Variants in ABCA5 observed in about 807,000 individuals in gnomAD.
ABCA5 encodes cholesterol transporter ABCA5.
Under a neutral mutation model 206.0 loss-of-function variants are expected in ABCA5, and 163 were observed. That is an observed-to-expected ratio of 0.79 (90% CI 0.70 to 0.90). The LOEUF is 0.90. ABCA5 is among the 40% of genes least tolerant of loss of function. The probability of loss-of-function intolerance (pLI) is 0.00; values close to 1 mark genes in which losing one functional copy is unlikely to be tolerated. For missense variants in ABCA5, 1,859 were observed against 1,912.9 expected, an observed-to-expected ratio of 0.97 and a Z score of 0.53; for synonymous variants, 609 against 613.8, an observed-to-expected ratio of 0.99 and a Z score of 0.11.
chr17:69,283,422 A>G (rs1376097620), intron 18 of ABCA5, among the ~76,000 whole-genome samples: 1 of 152,178 alleles, frequency 6.6e-6, no homozygotes, highest in Non-Finnish European at 1.5e-5. Context: ...AATTCAAATC[A>G]GATCATGGTA....
Position 69,287,721 on chromosome 17 carries a change from T to G in ABCA5, c.1933A>C (p.Met645Leu). 6.2e-7 allele frequency: 1 copy of G among 1,613,588 alleles called. No individual in the cohort carries two copies. The highest frequency in any genetic ancestry group is 8.5e-7 in the Non-Finnish European group (1 of 1,179,742). ...ACAATATGTCGAGAACAGGGGTCCA[T>G]TCCAGCTGTTGGTTCATCTAGCAGC... ...ILLLDEPTAG[M>L]DPCSRHIVWN... Residue 645 changes from methionine to leucine, a missense_variant, in exon 15 of 39, where the codon ATG becomes CTG. By Grantham distance (15) the Met-to-Leu change is conservative (BLOSUM62 2). Coordinates refer to ENST00000392676, the MANE Select transcript of ABCA5 (RefSeq NM_172232.4).
At chr17:69,281,886 C>G (rs190090198) in intron 18 of ABCA5, among the ~76,000 whole-genome samples, 1 of 152,174 alleles carries the variant, frequency 6.6e-6, no homozygotes, top group Non-Finnish European at 1.5e-5. Context: ...ATCACCCACT[C>G]GGCATTCATG....
At position 69,264,789 on chromosome 17, in the gene ABCA5, G is replaced by T; in HGVS notation, c.3261C>A (p.Ser1087Arg). The change falls in exon 24 of 39, where the codon AGC becomes AGA. Residue 1087 changes from serine to arginine, a missense_variant. Physicochemically the swap from Ser to Arg is moderately radical, Grantham distance 110. Coordinates refer to ENST00000392676, the MANE Select transcript of ABCA5 (RefSeq NM_172232.4). ...ATAATCCATAATGAAATGCCAATAA[G>T]CTTCCTAGCATCAAAATAAGAATGA... ...FFIILILMLG[S>R]LLAFHYGLYF... The T allele has an allele frequency of 6.3e-7, 1 of 1,595,090 alleles. No homozygotes were observed. Among genetic ancestry groups the T allele is most frequent in the African/African-American group, 1.3e-5 (1 of 74,180 alleles).
rs371490208 is a variant in ABCA5 at position 69,287,663 on chromosome 17, C to T, written c.1991G>A (p.Arg664Gln). ...GAAATGAGTACTGAACACTGTCACC[C>T]GATTGGCTTTTCTGTATTTTAAAAG... ...WNLLKYRKAN[R>Q]VTVFSTHFMD... The change falls in exon 15 of 39, where the codon CGG becomes CAG. Residue 664 changes from arginine to glutamine, a missense_variant. Arg to Gln is a conservative substitution (Grantham distance 43). Transcript: ENST00000392676. 43 of 1,613,710 alleles carry T rather than the reference C, an allele frequency of 2.7e-5. No homozygotes were observed. The highest frequency in any genetic ancestry group is 5.3e-5 in the African/African-American group (4 of 74,890).
intron 19 of ABCA5, among the ~76,000 whole-genome samples, chr17:69,276,667 G>C (rs1171282773): frequency 1.3e-5 from 2 of 152,128 alleles, no homozygotes; most frequent in Non-Finnish European, 2.9e-5. Context: ...GGTTGGGACT[G>C]GGGAGGGATA....
chr17:69,276,153 C>T (rs896706370), intron 19 of ABCA5, among the ~76,000 whole-genome samples: 1 of 152,180 alleles, frequency 6.6e-6, no homozygotes, highest in Non-Finnish European at 1.5e-5. Flanking sequence ...GTGGCACGAT[C>T]TTGGCTCACT....
chr17:69,268,291 C>G (rs9889277), intron 22 of ABCA5, among the ~76,000 whole-genome samples: 1 of 151,938 alleles, frequency 6.6e-6, no homozygotes, highest in Admixed American at 6.6e-5. Context: ...CTAAGCAAAT[C>G]ATTTTACTTT....
At chr17:69,281,813 A>G (rs2075396648) in intron 18 of ABCA5, among the ~76,000 whole-genome samples, 1 of 152,214 alleles carries the variant, frequency 6.6e-6, no homozygotes. Flanking sequence ...AATATAAGCA[A>G]GTTTACTTCA....
intron 5 of ABCA5, 145 bp from the exon 6 acceptor site, chr17:69,307,099 G>C (rs1239250953): frequency 7.2e-5 from 30 of 414,662 alleles, no homozygotes; most frequent in Non-Finnish European, 1.1e-4. Flanking sequence ...AATAAAGTGA[G>C]TGACCCCAAT....
intron 7 of ABCA5, among the ~76,000 whole-genome samples, chr17:69,303,869 TACATATATACATAC>T (rs2075688173): frequency 1.9e-5 from 2 of 106,878 alleles, no homozygotes; most frequent in African/African-American, 7.1e-5. Flanking sequence ...TATATATATA[TACATATATACATAC>T]ACACACACAA....
intron 29 of ABCA5, 85 bp downstream of exon 29, chr17:69,256,072 G>A (rs1393762277): frequency 1.3e-5 from 18 of 1,438,378 alleles, no homozygotes; most frequent in Non-Finnish European, 1.7e-5. Context: ...CATATGCAAA[G>A]AAAAATATTT....
chr17:69,264,862 G>A lies in ABCA5; in HGVS notation c.3188C>T (p.Ser1063Phe), dbSNP rs774011212. The A allele has an allele frequency of 4.5e-6, 7 of 1,568,880 alleles. No homozygotes were observed. In the South Asian group the frequency reaches 8.7e-5, roughly 20 times the overall value. ...AACAGCTTGTCCAATCCAATATGCA[G>A]ATGGCAAAAGACCTGAAAGTTTAAG... ...TQLKLSGLLP[S>F]AYWIGQAVVD... The change falls in exon 24 of 39, where the codon TCT becomes TTT. Residue 1063 changes from serine to phenylalanine, a missense_variant. Ser to Phe is a radical substitution (Grantham distance 155). Transcript: ENST00000392676.
At chr17:69,291,370 G>A (rs756070361) in intron 11 of ABCA5, 44 bp from the exon 12 acceptor site, 6 of 1,188,994 alleles carry the variant, frequency 5.0e-6, no homozygotes, top group Middle Eastern at 1.9e-4. Context: ...TTTTATGTCT[G>A]TTCAGCTATG....
chr17:69,309,304 G>A lies in ABCA5; in HGVS notation c.427C>T (p.Pro143Ser). 1 of 1,597,812 alleles carries A rather than the reference G, an allele frequency of 6.3e-7. No homozygotes were observed. The highest frequency in any genetic ancestry group is 1.8e-5 in the Admixed American group (1 of 55,074). Residue 143 changes from proline (P) to serine (S), a missense_variant, in exon 4 of 39, where the codon CCT becomes TCT. Physicochemically the swap from Pro to Ser is moderately conservative, Grantham distance 74. Coordinates refer to ENST00000392676, the MANE Select transcript of ABCA5 (RefSeq NM_172232.4). ...DSMSYELRFF[P>S]DMIPVSSIYM... is the part of the protein sequence containing the mutation. ...ATAGAAGATACTGGAATCATATCAGGAAAAAAACGAAGTTCATAGGACATG... is the reference window on the plus strand; with the variant it reads ...ATAGAAGATACTGGAATCATATCAGAAAAAAAACGAAGTTCATAGGACATG...
chr17:69,260,320 A>T lies in ABCA5; in HGVS notation c.3639+18T>A. On this transcript the variant is annotated intron_variant, in intron 27 of 38. Transcript: ENST00000392676. ...TCTTAAGGTACATGCTAATTCACAA[A>T]AACACTTTATTTCTTACCGATATAA... The T allele has an allele frequency of 6.3e-7, 1 of 1,580,730 alleles. No homozygotes were observed.
intron 7 of ABCA5, among the ~76,000 whole-genome samples, chr17:69,303,383 C>G (rs1277797174): frequency 6.6e-6 from 1 of 151,974 alleles, no homozygotes; most frequent in Non-Finnish European, 1.5e-5. Flanking sequence ...TCCCAAAGTG[C>G]TGGGATTACG....
intron 3 of ABCA5, among the ~76,000 whole-genome samples, chr17:69,311,286 A>G (rs1232657653): frequency 6.6e-6 from 1 of 152,302 alleles, no homozygotes; most frequent in African/African-American, 2.4e-5. Flanking sequence ...TAAGAGGGAC[A>G]GGGAACTCCA....
At position 69,326,813 on chromosome 17, in the gene ABCA5, C is replaced by CA. The variant is rs2075899619; in HGVS notation, c.-16+238dup. On this transcript the variant is annotated intron_variant, in intron 1 of 38. Transcript: ENST00000392676. This position sits in a 1 kb window ranked among gnomAD's most constrained non-coding sequence, Gnocchi z 4.8. ...CTCACGTCCGCATCCTGGGCGCTCC[C>CA]ACCGCATCCCCGAGGCTGGCAACCC... is the stretch of plus-strand genomic sequence containing the variant. Among the ~76,000 whole-genome samples the CA allele has an allele frequency of 6.6e-6, 1 of 152,130 alleles. No homozygotes were observed. Among genetic ancestry groups the CA allele is most frequent in the Non-Finnish European group, 1.5e-5 (1 of 68,012 alleles).
At chr17:69,275,299 G>A (rs1163429276) in intron 19 of ABCA5, among the ~76,000 whole-genome samples, 2 of 152,114 alleles carry the variant, frequency 1.3e-5, no homozygotes, top group African/African-American at 4.8e-5. Flanking sequence ...GCAAAGCAAG[G>A]TATACTACAA....
Sources: allele counts gnomAD v4.1 joint callset (sites outside exome capture counted in the v4.1 genomes callset), GRCh38; gene constraint gnomAD v4.1.1; non-coding constraint Gnocchi (gnomAD v3.1); transcripts MANE v1.5; gene names NCBI Gene and HGNC (gene_info 2026-07-23, HGNC 2026-07-21).